The following SNRPG variants were observed in gnomAD, a reference collection of about 807,000 sequenced individuals.
SNRPG encodes small nuclear ribonucleoprotein polypeptide G, also known as small nuclear ribonucleoprotein G.
A neutral mutation model predicts 13.9 loss-of-function variants in SNRPG; 3 were observed. That is an observed-to-expected ratio of 0.22 (90% confidence interval 0.10 to 0.56). The LOEUF (loss-of-function observed/expected upper bound fraction) is 0.56. SNRPG is among the 20% of genes least tolerant of loss of function. SNRPG has a pLI of 0.93. For missense variants in SNRPG, 34 were observed against 96.1 expected, an observed-to-expected ratio of 0.35 and a Z score of 2.70; for synonymous variants, 29 against 29.3, an observed-to-expected ratio of 0.99 and a Z score of 0.03.
At chr2:70,285,209 CAT>C (rs1188708573) in intron 3 of SNRPG, among the ~76,000 whole-genome samples, 1 of 152,132 alleles carries the variant, frequency 6.6e-6, no homozygotes, top group Non-Finnish European at 1.5e-5. Context: ...GAAAAAGAAT[CAT>C]ATGTTGAGAC....
chr2:70,289,523 G>C, intron 1 of SNRPG, 151 bp from the exon 2 acceptor site: 1 of 535,178 alleles, frequency 1.9e-6, no homozygotes. Flanking sequence ...GCTGTAAAGA[G>C]TGAGGGAGTA....
At chr2:70,291,867 G>A (rs146706014) in intron 1 of SNRPG, among the ~76,000 whole-genome samples, 26 of 149,496 alleles carry the variant, frequency 1.7e-4, no homozygotes, top group African/African-American at 5.9e-4. Context: ...AGTCCCTGAT[G>A]AATCCAGAGG....
chr2:70,293,449 C>T (rs1697157709), intron 1 of SNRPG, 169 bp downstream of exon 1: 2 of 713,540 alleles, frequency 2.8e-6, no homozygotes, highest in Admixed American at 2.1e-5. Context: ...GAGCTCTGCG[C>T]GGGCTTCACG....
chr2:70,293,316 G>A (rs900539757), intron 1 of SNRPG: 1 of 660,008 alleles, frequency 1.5e-6, no homozygotes, highest in African/African-American at 1.8e-5. Flanking sequence ...ACAAAAGGTA[G>A]CACTGGAGAT....
At chr2:70,289,448 A>C in intron 1 of SNRPG, 76 bp from the exon 2 acceptor site, 1 of 740,424 alleles carries the variant, frequency 1.4e-6, no homozygotes. Context: ...AGGTATAGTT[A>C]AGATAATTTG....
chr2:70,285,794 A>G (rs1218924154), intron 3 of SNRPG, among the ~76,000 whole-genome samples: 1 of 152,200 alleles, frequency 6.6e-6, no homozygotes, highest in Non-Finnish European at 1.5e-5. Context: ...ACAGAAGGAC[A>G]ACCCTAGCAA....
At chr2:70,291,150 A>G (rs1268110088) in intron 1 of SNRPG, 1 of 152,170 alleles carries the variant, frequency 6.6e-6, no homozygotes, top group Non-Finnish European at 1.5e-5. Flanking sequence ...CGACTTTGCA[A>G]TTATGGTCTA....
chr2:70,281,732 CA>C, intron 3 of SNRPG, 48 bp from the exon 4 acceptor site: 1 of 972,768 alleles, frequency 1.0e-6, no homozygotes, highest in East Asian at 2.4e-5. Context: ...AGGTAACAGA[CA>C]TAACTATGAT....
At position 70,286,009 on chromosome 2, in the gene SNRPG, G is replaced by A. The variant is rs550844294; in HGVS notation, c.180+2059C>T. Among the ~76,000 whole-genome samples the A allele has an allele frequency of 1.1e-4, 17 of 152,224 alleles. No homozygotes were observed. The East Asian group carries it at 3.3e-3, about 29-fold the overall frequency. ...CACAAAGATTGGAGTGCAGTAGTGTGATCTCAGCTCACTGCAGCTTTGACT... is the reference window on the plus strand; with the variant it reads ...CACAAAGATTGGAGTGCAGTAGTGTAATCTCAGCTCACTGCAGCTTTGACT... On this transcript the variant is annotated intron_variant, in intron 3 of 3. Coordinates refer to ENST00000272348, the MANE Select transcript of SNRPG (RefSeq NM_003096.4).
At chr2:70,290,551 A>G (rs926959952) in intron 1 of SNRPG, among the ~76,000 whole-genome samples, 22 of 152,090 alleles carry the variant, frequency 1.4e-4, no homozygotes, top group Admixed American at 9.8e-4. Flanking sequence ...AAAATATAAA[A>G]AAATGAAAAA....
At chr2:70,286,090 C>G (rs1696935663) in intron 3 of SNRPG, among the ~76,000 whole-genome samples, 1 of 152,126 alleles carries the variant, frequency 6.6e-6, no homozygotes, top group South Asian at 2.1e-4. Context: ...CCATGCCCGG[C>G]TAATTTTCTA....
intron 2 of SNRPG, among the ~76,000 whole-genome samples, chr2:70,288,747 G>T (rs1293641360): frequency 6.6e-6 from 1 of 152,182 alleles, no homozygotes; most frequent in Admixed American, 6.5e-5. Flanking sequence ...CAAGATAACT[G>T]TTCCTTGTCT....
chr2:70,293,376 ACCT>A (rs1697154300), intron 1 of SNRPG: 1 of 628,512 alleles, frequency 1.6e-6, no homozygotes, highest in African/African-American at 1.8e-5. Context: ...AGACCGCGGG[ACCT>A]GGAGACTAGT....
chr2:70,282,490 G>A (rs1290764857), intron 3 of SNRPG, among the ~76,000 whole-genome samples: 2 of 152,164 alleles, frequency 1.3e-5, no homozygotes, highest in Non-Finnish European at 2.9e-5. Flanking sequence ...AAGTATGAGA[G>A]GATAAGGAAG....
intron 3 of SNRPG, among the ~76,000 whole-genome samples, chr2:70,286,687 G>C (rs543010591): frequency 7.4e-4 from 112 of 152,062 alleles, no homozygotes; most frequent in Non-Finnish European, 1.4e-3. Context: ...TAAAGTTTAG[G>C]GGGAAAATTG....
At chr2:70,290,915 G>A (rs1041040162) in intron 1 of SNRPG, among the ~76,000 whole-genome samples, 4 of 149,466 alleles carry the variant, frequency 2.7e-5, no homozygotes, top group African/African-American at 9.9e-5. Context: ...GGAGGCTGAG[G>A]CAGGAGAATC....
chr2:70,283,095 T>TAAAAAAAA, intron 3 of SNRPG, among the ~76,000 whole-genome samples: 1 of 4,384 alleles, frequency 2.3e-4, no homozygotes, highest in East Asian at 2.5e-3. Flanking sequence ...CTGTCTTTTG[T>TAAAAAAAA]CAAAAAAAAA....
At chr2:70,290,712 G>A (rs1697062737) in intron 1 of SNRPG, among the ~76,000 whole-genome samples, 1 of 151,038 alleles carries the variant, frequency 6.6e-6, no homozygotes, top group Non-Finnish European at 1.5e-5. Context: ...TGGGCTGGGC[G>A]CGGTGGCTCA....
intron 1 of SNRPG, among the ~76,000 whole-genome samples, chr2:70,292,317 G>A (rs1573999166): frequency 1.3e-5 from 2 of 151,788 alleles, no homozygotes; most frequent in South Asian, 4.2e-4. Flanking sequence ...TACAAAAGAT[G>A]GCTTTGATAC....
Sources: allele counts gnomAD v4.1 joint callset (sites outside exome capture counted in the v4.1 genomes callset), GRCh38; gene constraint gnomAD v4.1.1; transcripts MANE v1.5; gene names NCBI Gene and HGNC (gene_info 2026-07-23, HGNC 2026-07-21).